ESYT3: variants seen among roughly 807,000 people sequenced by gnomAD.
ESYT3 encodes extended synaptotagmin-3.
In ESYT3, 101 loss-of-function variants were observed where a neutral mutation model predicts 111.5. The observed-to-expected ratio is 0.91, with a 90% confidence interval of 0.77 to 1.07. The LOEUF (loss-of-function observed/expected upper bound fraction) is 1.07. Ranked by LOEUF, ESYT3 falls within the 50% of genes least tolerant of loss-of-function variation. The pLI is 0.00. For synonymous variants in ESYT3, 416 were observed against 446.8 expected, an observed-to-expected ratio of 0.93 and a Z score of 0.87; for missense variants, 1,097 against 1,109.4, an observed-to-expected ratio of 0.99 and a Z score of 0.16.
intron 1 of ESYT3, 74 bp from the exon 2 acceptor site, chr3:138,451,974 G>T: frequency 6.4e-7 from 1 of 1,560,438 alleles, no homozygotes. Context: ...TGGGAAGCCC[G>T]CCAGGCTGGC....
chr3:138,435,117 C>T lies in ESYT3; in HGVS notation c.319C>T (p.Pro107Ser). ...ISRELRGQHL[P>S]AWIHFPDVER... ...CCGCGAGCTGCGGGGCCAGCACCTG[C>T]CAGCCTGGGTGAGCCAAGCCGGGTG... Residue 107 changes from proline to serine, a missense_variant, in exon 1 of 23, where the codon CCA (proline) becomes TCA (serine). Physicochemically the swap from Pro to Ser is moderately conservative, Grantham distance 74 (BLOSUM62 -1). Transcript: ENST00000389567. This position sits in a 1 kb window ranked among gnomAD's most constrained non-coding sequence, Gnocchi z 4.8. 2 of 1,582,228 alleles carry T rather than the reference C, an allele frequency of 1.3e-6. No individual in the cohort carries two copies. Among genetic ancestry groups the T allele is most frequent in the Non-Finnish European group, 8.6e-7 (1 of 1,165,760 alleles).
At position 138,464,424 on chromosome 3, in the gene ESYT3, A is replaced by G; in HGVS notation, c.995A>G (p.Asp332Gly). 6.2e-7 allele frequency: 1 copy of G among 1,614,158 alleles called. No individual in the cohort carries two copies. Among genetic ancestry groups the G allele is most frequent in the Non-Finnish European group, 8.5e-7 (1 of 1,180,020 alleles). The stretch of plus-strand genomic sequence containing the variant: ...TTTCTGGGGCTCCGAGGCAAGTCAG[A>G]TCCCTACGCCAAGGTGAGCATCGGC... ...DNFLGLRGKS[D>G]PYAKVSIGLQ... The change falls in exon 9 of 23, where the codon GAT (aspartate) becomes GGT (glycine). Residue 332 changes from aspartate to glycine, a missense_variant. Coordinates refer to ENST00000389567, the MANE Select transcript of ESYT3 (RefSeq NM_031913.5).
intron 6 of ESYT3, 62 bp downstream of exon 6, chr3:138,460,096 C>T: frequency 6.1e-6 from 9 of 1,472,340 alleles, no homozygotes; most frequent in Non-Finnish European, 6.6e-6. Context: ...GTCTGCTGGG[C>T]CCTAGACATT....
chr3:138,444,555 C>A (rs577442854), intron 1 of ESYT3, among the ~76,000 whole-genome samples: 1 of 152,254 alleles, frequency 6.6e-6, no homozygotes, highest in East Asian at 1.9e-4. Flanking sequence ...ATTAACAGCC[C>A]CACTTATTAA....
intron 22 of ESYT3, 62 bp downstream of exon 22, chr3:138,476,554 AGT>A: frequency 6.5e-7 from 1 of 1,541,714 alleles, no homozygotes. Flanking sequence ...TTCCCTTTTC[AGT>A]ACTGTTTCAG....
chr3:138,458,183 C>T (rs574727842), intron 4 of ESYT3, among the ~76,000 whole-genome samples: 4 of 152,216 alleles, frequency 2.6e-5, no homozygotes, highest in Admixed American at 2.0e-4. Context: ...GGACCAACTC[C>T]TGAGGATCCA....
rs149595348 is a variant in ESYT3 at position 138,470,116 on chromosome 3, C to T, written c.1560C>T (p.His520=). Reference sequence around the variant, plus strand: ...GCCAGGTGTTCTCCTTCTTTGTGCACAATGTGGCCACTGAGCGGCTCCATC... The same window carrying T: ...GCCAGGTGTTCTCCTTCTTTGTGCATAATGTGGCCACTGAGCGGCTCCATC... ...VWSQVFSFFV[H]NVATERLHLK... is the part of the protein sequence containing the mutation. Residue 520 remains histidine (H), a synonymous_variant, in exon 16 of 23, where the codon CAC becomes CAT. Coordinates refer to ENST00000389567, the MANE Select transcript of ESYT3 (RefSeq NM_031913.5). 1.2e-6 allele frequency: 2 copies of T among 1,613,048 alleles called. No homozygotes were observed. Among genetic ancestry groups the T allele is most frequent in the Non-Finnish European group, 1.7e-6 (2 of 1,179,304 alleles).
rs765788771 is a variant in ESYT3, at chr3:138,469,157, T to C, written c.1434+276T>C. On this transcript the variant is annotated intron_variant, in intron 14 of 22. Coordinates refer to ENST00000389567, the MANE Select transcript of ESYT3 (RefSeq NM_031913.5). ...TAAGAGGAGGAGCCAGATTCCACAC[T>C]GTTTTCATAGCCCCAGGGAACGAGA... is the stretch of plus-strand genomic sequence containing the variant. 7 of 594,294 alleles carry C rather than the reference T, an allele frequency of 1.2e-5. No homozygotes were observed. In the Admixed American group the frequency reaches 2.1e-4, roughly 18 times the overall value. 36.8% of individuals were successfully genotyped at this position (594,294 alleles called of 1,614,324 possible). A position where few individuals can be genotyped will look rare whatever the true frequency, so the allele number is the denominator to read the frequency against.
Position 138,472,518 on chromosome 3 carries a change from C to T in ESYT3, c.1896C>T (p.Asp632=). The part of the protein sequence containing the change: ...EGPTDLPCPP[D]PASDTKDVSR... ...CTACAGATTTGCCATGTCCCCCAGA[C>T]CCTGCTTCTGATACTAAGGACGTAT... Residue 632 remains aspartate (D), a synonymous_variant, in exon 18 of 23, where the codon GAC becomes GAT. Transcript: ENST00000389567. 2 of 1,614,248 alleles carry T rather than the reference C, an allele frequency of 1.2e-6. No individual in the cohort carries two copies. The highest frequency in any genetic ancestry group is 8.5e-7 in the Non-Finnish European group (1 of 1,180,050).
chr3:138,449,245 C>T (rs1055039987), intron 1 of ESYT3, among the ~76,000 whole-genome samples: 3 of 151,832 alleles, frequency 2.0e-5, no homozygotes, highest in African/African-American at 7.3e-5. Flanking sequence ...CCACCATGCC[C>T]ACCTAATTTT....
intron 19 of ESYT3, among the ~76,000 whole-genome samples, chr3:138,473,835 T>C (rs982332851): frequency 1.3e-5 from 2 of 152,244 alleles, no homozygotes; most frequent in African/African-American, 4.8e-5. Context: ...GTGATGCTGA[T>C]GGGCTCAAGA....
chr3:138,453,349 G>T (rs138176079), intron 2 of ESYT3, among the ~76,000 whole-genome samples: 2 of 152,326 alleles, frequency 1.3e-5, no homozygotes, highest in African/African-American at 4.8e-5. Context: ...GACAGAGACA[G>T]TTGTGTAGGT....
chr3:138,461,830 TC>T (rs533484058), intron 7 of ESYT3, among the ~76,000 whole-genome samples: 330 of 152,268 alleles, frequency 2.2e-3, no homozygotes, highest in African/African-American at 7.7e-3. Context: ...CTGTGTGACC[TC>T]CAAGAACAAA....
At position 138,459,893 on chromosome 3, in the gene ESYT3, C is replaced by T. The variant is rs1275230307; in HGVS notation, c.649-52C>T. 2.0e-6 allele frequency: 3 copies of T among 1,509,630 alleles called. No homozygotes were observed. The East Asian group carries it at 6.8e-5, about 34-fold the overall frequency. The allele number at this position is 1,509,630 out of a possible 1,614,324, so 93.5% of individuals were successfully genotyped here. ...GATGGCCTCAGCTGAGCCCAGCAGGCATGGGGAGAAAGTAGGCCTGGGCCC... is the reference window on the plus strand; with the variant it reads ...GATGGCCTCAGCTGAGCCCAGCAGGTATGGGGAGAAAGTAGGCCTGGGCCC... On this transcript the variant is annotated intron_variant, in intron 5 of 22. Coordinates refer to ENST00000389567, the MANE Select transcript of ESYT3 (RefSeq NM_031913.5).
At chr3:138,436,533 A>G (rs1353991472) in intron 1 of ESYT3, among the ~76,000 whole-genome samples, 1 of 152,260 alleles carries the variant, frequency 6.6e-6, no homozygotes, top group African/African-American at 2.4e-5. Context: ...ATTTGATGGT[A>G]AAGCTTTGCA....
At chr3:138,455,091 C>T (rs2032190286) in intron 2 of ESYT3, 103 bp from the exon 3 acceptor site, 1 of 1,420,652 alleles carries the variant, frequency 7.0e-7, no homozygotes, top group South Asian at 1.3e-5. Flanking sequence ...GAACCCCCAC[C>T]CCAAGACCAG....
chr3:138,474,639 AG>A (rs760490898), intron 20 of ESYT3: 2 of 248,978 alleles, frequency 8.0e-6, no homozygotes, highest in South Asian at 1.5e-4. Context: ...GGTAGTAAAA[AG>A]ATTTGAATGT....
chr3:138,472,371 A>C lies in ESYT3; in HGVS notation c.1749A>C (p.Gln583His). Residue 583 changes from glutamine (Q) to histidine (H), a missense_variant, in exon 18 of 23, where the codon CAA (glutamine) becomes CAC (histidine). By Grantham distance (24) the Gln-to-His change is conservative (BLOSUM62 0). Transcript: ENST00000389567. The part of the protein sequence containing the change: ...ISMRLVLRFL[Q>H]VEERELGSPY... ...CTCTTATCTGCTTGCAGTTCCTGCA[A>C]GTGGAGGAACGAGAGCTGGGGAGCC... The C allele has an allele frequency of 6.2e-7, 1 of 1,613,158 alleles. No individual in the cohort carries two copies. The highest frequency in any genetic ancestry group is 1.1e-5 in the South Asian group (1 of 91,020).
intron 2 of ESYT3, among the ~76,000 whole-genome samples, chr3:138,452,820 G>C (rs1438956582): frequency 6.6e-6 from 1 of 152,202 alleles, no homozygotes; most frequent in Non-Finnish European, 1.5e-5. Flanking sequence ...GGCTTAGCCC[G>C]TAGCAGGAAT....
Sources: gnomAD v4.1 joint callset for allele counts (sites outside exome capture counted in the v4.1 genomes callset) on GRCh38, gnomAD v4.1.1 for gene constraint, Gnocchi (gnomAD v3.1) non-coding constraint, MANE v1.5 for transcripts, NCBI Gene and HGNC (gene_info 2026-07-23, HGNC 2026-07-21) for gene names.